RASAL2: variants seen among roughly 807,000 people sequenced by gnomAD.
RASAL2 encodes RAS protein activator like 2, also known as ras GTPase-activating protein nGAP.
In RASAL2, 58 loss-of-function variants were observed where a neutral mutation model predicts 128.9. That is an observed-to-expected ratio of 0.45 (90% confidence interval 0.36 to 0.56). The LOEUF is 0.56. Ranked by LOEUF, RASAL2 falls within the 20% of genes least tolerant of loss-of-function variation. The pLI is 0.00. For synonymous variants in RASAL2, 561 were observed against 580.8 expected, an observed-to-expected ratio of 0.97 and a Z score of 0.49; for missense variants, 1,360 against 1,601.6, an observed-to-expected ratio of 0.85 and a Z score of 2.57.
intron 3 of RASAL2, among the ~76,000 whole-genome samples, chr1:178,385,802 C>T (rs1329873340): frequency 6.6e-6 from 1 of 152,116 alleles, no homozygotes; most frequent in Non-Finnish European, 1.5e-5. Context: ...CTCTTTGTTG[C>T]GGTTTACCTT....
intron 2 of RASAL2, among the ~76,000 whole-genome samples, chr1:178,296,183 A>G (rs1667501346): frequency 6.6e-6 from 1 of 151,914 alleles, no homozygotes; most frequent in African/African-American, 2.4e-5. Flanking sequence ...GTGCATATAT[A>G]TATATATAAA....
rs73049360 is a variant in RASAL2, at chr1:178,106,016, T to A, written c.202+11322T>A. 9.7e-3 allele frequency among the ~76,000 whole-genome samples: 1,474 copies of A among 152,302 alleles called. 22 individuals are homozygous for A. The highest frequency in any genetic ancestry group is 0.033 in the African/African-American group (1,380 of 41,560). ...ACTCAGTAAAAATCAATTGTAGTTT[T>A]AAAGCATTTTACTAATTTAGTTCAT... On this transcript the variant is annotated intron_variant, in intron 1 of 17. Coordinates refer to ENST00000367649, the MANE Select transcript of RASAL2 (RefSeq NM_170692.4).
At chr1:178,348,785 GTTTC>G (rs1046094689) in intron 3 of RASAL2, among the ~76,000 whole-genome samples, 4 of 150,794 alleles carry the variant, frequency 2.7e-5, no homozygotes, top group African/African-American at 9.7e-5. Flanking sequence ...AGGACACCAG[GTTTC>G]TTTCTTTTCT....
intron 4 of RASAL2, among the ~76,000 whole-genome samples, chr1:178,400,666 T>C (rs1673564095): frequency 6.6e-6 from 1 of 152,184 alleles, no homozygotes; most frequent in Admixed American, 6.5e-5. Flanking sequence ...TATTTTACAG[T>C]CATATATCAG....
intron 1 of RASAL2, among the ~76,000 whole-genome samples, chr1:178,107,232 T>C (rs1659123831): frequency 6.6e-6 from 1 of 152,174 alleles, no homozygotes; most frequent in Non-Finnish European, 1.5e-5. Flanking sequence ...TATTACCCTC[T>C]ATTATTGAAG....
chr1:178,273,050 A>T (rs750863324), intron 1 of RASAL2, among the ~76,000 whole-genome samples: 1 of 152,232 alleles, frequency 6.6e-6, no homozygotes, highest in Non-Finnish European at 1.5e-5. Flanking sequence ...GGCCAAAAAC[A>T]TAAGTGCCAC....
chr1:178,312,947 A>G (rs928191739), intron 3 of RASAL2, among the ~76,000 whole-genome samples: 1 of 152,198 alleles, frequency 6.6e-6, no homozygotes. Context: ...AGAGGTAGAT[A>G]ATGTTACAAT....
chr1:178,110,637 C>CATATATATATATATATAT lies in RASAL2; in HGVS notation c.202+15959_202+15960insATATATATATATATATAT, dbSNP rs1553250958. Among the ~76,000 whole-genome samples, 11 of 15,636 alleles carry CATATATATATATATATAT rather than the reference C, an allele frequency of 7.0e-4. No individual in the cohort carries two copies. The East Asian group carries it at 0.011, about 16-fold the overall frequency. The allele number at this position is 15,636 out of a possible 152,430, so 10.3% of individuals were successfully genotyped here. A position where few individuals can be genotyped will look rare whatever the true frequency, so the allele number is the denominator to read the frequency against. On this transcript the variant is annotated intron_variant, in intron 1 of 17. Coordinates refer to ENST00000367649, the MANE Select transcript of RASAL2 (RefSeq NM_170692.4). ...CTATATACACTATATATAGTGTATA[C>CATATATATATATATATAT]ATATATATATATATATGTATGTATA...
chr1:178,309,681 T>C (rs1668146070), intron 3 of RASAL2, among the ~76,000 whole-genome samples: 1 of 152,082 alleles, frequency 6.6e-6, no homozygotes, highest in African/African-American at 2.4e-5. Flanking sequence ...ATCACTACAC[T>C]ATGCAAGTGG....
At chr1:178,344,506 T>C (rs74131329) in intron 3 of RASAL2, among the ~76,000 whole-genome samples, 5,833 of 152,248 alleles carry the variant, frequency 0.038, 366 homozygotes, top group African/African-American at 0.13. Flanking sequence ...CAAGAGTCCT[T>C]TTATGTAGAC....
intron 1 of RASAL2, among the ~76,000 whole-genome samples, chr1:178,271,361 C>CT (rs1666249973): frequency 6.6e-6 from 1 of 152,166 alleles, no homozygotes; most frequent in African/African-American, 2.4e-5. Flanking sequence ...GTCCATGTCT[C>CT]TGTCTCTCCG....
chr1:178,172,290 C>T (rs1267816296), intron 1 of RASAL2, among the ~76,000 whole-genome samples: 1 of 152,040 alleles, frequency 6.6e-6, no homozygotes, highest in Non-Finnish European at 1.5e-5. Flanking sequence ...CTGCCTCTGA[C>T]TGTGGCCTAA....
chr1:178,326,475 TCTG>T (rs1172798921), intron 3 of RASAL2, among the ~76,000 whole-genome samples: 2 of 152,246 alleles, frequency 1.3e-5, no homozygotes, highest in African/African-American at 2.4e-5. Context: ...ATAATAATGC[TCTG>T]CTATTTCAGA....
intron 3 of RASAL2, among the ~76,000 whole-genome samples, chr1:178,309,702 G>T (rs1373343266): frequency 6.6e-6 from 1 of 152,088 alleles, no homozygotes; most frequent in Non-Finnish European, 1.5e-5. Flanking sequence ...AGACAAAGTG[G>T]TTAGGGGCAC....
chr1:178,439,070 T>C (rs538205352), intron 5 of RASAL2, among the ~76,000 whole-genome samples: 55 of 152,140 alleles, frequency 3.6e-4, no homozygotes, highest in African/African-American at 1.3e-3. Flanking sequence ...AGAAAGAATA[T>C]ATAAGATAAC....
chr1:178,161,430 A>G (rs1435816204), intron 1 of RASAL2, among the ~76,000 whole-genome samples: 1 of 152,234 alleles, frequency 6.6e-6, no homozygotes, highest in Non-Finnish European at 1.5e-5. Context: ...AGATTCATCC[A>G]TATTATAGCA....
At chr1:178,372,298 G>A (rs1479849767) in intron 3 of RASAL2, 21 of 985,290 alleles carry the variant, frequency 2.1e-5, no homozygotes, top group Non-Finnish European at 2.3e-5. Context: ...CACCGAAGAA[G>A]AGAAGAGCCT....
At chr1:178,388,301 T>G (rs1445406195) in intron 3 of RASAL2, among the ~76,000 whole-genome samples, 2 of 152,226 alleles carry the variant, frequency 1.3e-5, no homozygotes, top group African/African-American at 4.8e-5. Context: ...CTGTTCAATG[T>G]GCTCCAACAA....
chr1:178,309,155 A>G (rs1668125424), intron 3 of RASAL2, among the ~76,000 whole-genome samples: 1 of 152,170 alleles, frequency 6.6e-6, no homozygotes, highest in Non-Finnish European at 1.5e-5. Context: ...ACATATAAAG[A>G]TCAAAATCTT....
Sources: gnomAD v4.1 joint callset for allele counts (sites outside exome capture counted in the v4.1 genomes callset) on GRCh38, gnomAD v4.1.1 for gene constraint, MANE v1.5 for transcripts, NCBI Gene and HGNC (gene_info 2026-07-23, HGNC 2026-07-21) for gene names.